Variants in LAMA4 observed in about 807,000 individuals in gnomAD.
The protein encoded by LAMA4 is laminin subunit alpha 4.
Under a neutral mutation model 207.1 loss-of-function variants are expected in LAMA4, and 127 were observed. The observed-to-expected ratio is 0.61, with a 90% confidence interval of 0.53 to 0.71. The LOEUF is 0.71. Ranked by LOEUF, LAMA4 falls within the 30% of genes least tolerant of loss-of-function variation. LAMA4 has a pLI of 0.00. For synonymous variants in LAMA4, 761 were observed against 816.0 expected, an observed-to-expected ratio of 0.93 and a Z score of 1.15; for missense variants, 2,093 against 2,246.5, an observed-to-expected ratio of 0.93 and a Z score of 1.38.
chr6:112,157,433 A>G (rs1299544045), intron 14 of LAMA4, among the ~76,000 whole-genome samples: 2 of 152,226 alleles, frequency 1.3e-5, no homozygotes, highest in Non-Finnish European at 2.9e-5. Flanking sequence ...CACGTAAATC[A>G]TTGTGTACAC....
intron 5 of LAMA4, among the ~76,000 whole-genome samples, chr6:112,195,692 T>C (rs1210643654): frequency 3.3e-5 from 5 of 152,338 alleles, no homozygotes; most frequent in African/African-American, 9.6e-5. Context: ...TGATCAATCA[T>C]CATGTAGTCT....
chr6:112,141,343 A>G lies in LAMA4; in HGVS notation c.2813+15T>C. 6.2e-7 allele frequency: 1 copy of G among 1,613,826 alleles called. No homozygotes were observed. The highest frequency in any genetic ancestry group is 8.5e-7 in the Non-Finnish European group (1 of 1,179,714). ...GATATGTGCATATATGCCCTGTGTCATGGATTCACTGTACCTTTCAATCTT... is the reference window on the plus strand; with the variant it reads ...GATATGTGCATATATGCCCTGTGTCGTGGATTCACTGTACCTTTCAATCTT... On this transcript the variant is annotated intron_variant, in intron 21 of 38. Coordinates refer to ENST00000230538, the MANE Select transcript of LAMA4 (RefSeq NM_001105206.3).
chr6:112,155,094 A>ACT, intron 15 of LAMA4, 147 bp from the exon 16 acceptor site: 1 of 709,058 alleles, frequency 1.4e-6, no homozygotes, highest in Non-Finnish European at 2.6e-6. Flanking sequence ...ATTAAGGTCA[A>ACT]ATATGTGACC....
intron 12 of LAMA4, among the ~76,000 whole-genome samples, chr6:112,171,189 A>C (rs1554341612): frequency 6.6e-6 from 1 of 151,214 alleles, no homozygotes; most frequent in African/African-American, 2.4e-5. Context: ...TATTCCCTTG[A>C]TTTCATTTCC....
At chr6:112,155,395 T>C (rs1397659155) in intron 15 of LAMA4, 170 bp downstream of exon 15, 2 of 686,954 alleles carry the variant, frequency 2.9e-6, no homozygotes, top group Non-Finnish European at 5.0e-6. Flanking sequence ...TCGAAGAATC[T>C]GCAGACTGAA....
At chr6:112,250,451 T>A (rs997983841) in intron 2 of LAMA4, among the ~76,000 whole-genome samples, 2 of 152,196 alleles carry the variant, frequency 1.3e-5, no homozygotes, top group Admixed American at 6.5e-5. Context: ...GTAAGGTATG[T>A]TCATGGGCAC....
chr6:112,220,179 C>A (rs1554360111), intron 2 of LAMA4, among the ~76,000 whole-genome samples: 1 of 152,040 alleles, frequency 6.6e-6, no homozygotes, highest in East Asian at 1.9e-4. Context: ...TTTATTTTAG[C>A]CAAATTTTCT....
intron 30 of LAMA4, among the ~76,000 whole-genome samples, chr6:112,129,668 C>T (rs797044390): frequency 2.4e-4 from 36 of 152,182 alleles, no homozygotes; most frequent in African/African-American, 8.2e-4. Context: ...GAAATGAAGG[C>T]TTACTTAGTC....
intron 9 of LAMA4, among the ~76,000 whole-genome samples, chr6:112,180,258 A>G (rs1477374721): frequency 6.6e-6 from 1 of 152,204 alleles, no homozygotes; most frequent in Non-Finnish European, 1.5e-5. Flanking sequence ...TGTCATGCCT[A>G]TAAGAAAACC....
Position 112,207,066 on chromosome 6 carries a change from G to A in LAMA4, c.377C>T (p.Pro126Leu). The A allele has an allele frequency of 6.2e-7, 1 of 1,613,954 alleles. No individual in the cohort carries two copies. Among genetic ancestry groups the A allele is most frequent in the East Asian group, 2.2e-5 (1 of 44,856 alleles). ...ACAGGGGCACGGCTGGCAGAATTGG[G>A]GTGCTCCCCTGATGGAATCTCCGAT... ...GYIGDSIRGA[P>L]QFCQPCPCPL... is the part of the protein sequence containing the mutation. Residue 126 changes from proline to leucine, a missense_variant, in exon 4 of 39, where the codon CCC (proline) becomes CTC (leucine). By Grantham distance (98) the Pro-to-Leu change is moderately conservative. This residue lies in a region of LAMA4 where 1,704 missense variants were observed against 1,788.4 expected (regional missense o/e 0.95). Transcript: ENST00000230538.
Position 112,148,147 on chromosome 6 carries a change from TA to T in LAMA4, c.2353+9del. ...AATTAGATTCAAATTGTGAAATTTC[TA>T]AGTGATACCTGCATCCCTAGCAGAG... On this transcript the variant is annotated intron_variant, in intron 18 of 38. Transcript: ENST00000230538. The T allele has an allele frequency of 1.2e-6, 2 of 1,611,916 alleles. No individual in the cohort carries two copies. The highest frequency in any genetic ancestry group is 1.7e-6 in the Non-Finnish European group (2 of 1,177,890).
chr6:112,150,913 G>A (rs2114755907), intron 16 of LAMA4, among the ~76,000 whole-genome samples: 1 of 152,176 alleles, frequency 6.6e-6, no homozygotes, highest in South Asian at 2.1e-4. Context: ...ACACCAAGCA[G>A]CACAATTGTT....
At chr6:112,136,646 C>T (rs1014002580) in intron 24 of LAMA4, among the ~76,000 whole-genome samples, 3 of 147,644 alleles carry the variant, frequency 2.0e-5, no homozygotes, top group African/African-American at 7.6e-5. Context: ...GAGCCGAGAT[C>T]GTGACACTGC....
chr6:112,139,219 T>A lies in LAMA4; in HGVS notation c.3183A>T (p.Arg1061Ser). 6.2e-7 allele frequency: 1 copy of A among 1,614,142 alleles called. No homozygotes were observed. The highest frequency in any genetic ancestry group is 8.5e-7 in the Non-Finnish European group (1 of 1,179,998). The change falls in exon 24 of 39, where the codon AGA (arginine) becomes AGT (serine). Residue 1061 changes from arginine to serine, a missense_variant. Arg to Ser is a moderately radical substitution (Grantham distance 110). Coordinates refer to ENST00000230538, the MANE Select transcript of LAMA4 (RefSeq NM_001105206.3). ...CAAATTTCCCTCTCCTTGTGATGTC[T>A]CTCACCACGGCATAACCGGAGCCAT... is the stretch of plus-strand genomic sequence containing the variant. ...FFDGSGYAVV[R>S]DITRRGKFGQ... is the part of the protein sequence containing the mutation.
At chr6:112,215,023 A>T (rs943420413) in intron 3 of LAMA4, among the ~76,000 whole-genome samples, 1 of 152,254 alleles carries the variant, frequency 6.6e-6, no homozygotes, top group East Asian at 1.9e-4. Flanking sequence ...TTAATAAATC[A>T]GATAACAAAC....
intron 18 of LAMA4, among the ~76,000 whole-genome samples, chr6:112,147,395 T>C (rs1780093594): frequency 6.6e-6 from 1 of 152,162 alleles, no homozygotes; most frequent in Non-Finnish European, 1.5e-5. Context: ...AGATCATATA[T>C]GGATTTATGA....
intron 14 of LAMA4, among the ~76,000 whole-genome samples, chr6:112,157,578 C>T (rs868910664): frequency 3.3e-5 from 5 of 152,104 alleles, no homozygotes; most frequent in Non-Finnish European, 7.3e-5. Context: ...TCATGTTTCA[C>T]GTAAAGCATG....
At chr6:112,242,697 A>G (rs1298238358) in intron 2 of LAMA4, among the ~76,000 whole-genome samples, 2 of 152,170 alleles carry the variant, frequency 1.3e-5, no homozygotes, top group Non-Finnish European at 2.9e-5. Context: ...GCGCATTTAG[A>G]CACTAGTGCA....
intron 13 of LAMA4, chr6:112,164,270 G>C (rs782349996): frequency 1.3e-5 from 2 of 152,368 alleles, no homozygotes; most frequent in African/African-American, 4.8e-5. Flanking sequence ...AGAGGGGTAC[G>C]GTAAAAAAGG....
Sources: gnomAD v4.1 joint callset for allele counts (sites outside exome capture counted in the v4.1 genomes callset) on GRCh38, gnomAD v4.1.1 for gene constraint, gnomAD v4.1.1 regional missense constraint, MANE v1.5 for transcripts, NCBI Gene and HGNC (gene_info 2026-07-23, HGNC 2026-07-21) for gene names.